COL15A1: variants seen among roughly 807,000 people sequenced by gnomAD.
The protein encoded by COL15A1 is collagen alpha-1(XV) chain.
In COL15A1, 111 loss-of-function variants were observed where a neutral mutation model predicts 165.9. That is an observed-to-expected ratio of 0.67 (90% CI 0.57 to 0.78). COL15A1 has a LOEUF of 0.78. COL15A1 is among the 30% of genes least tolerant of loss of function. The probability of loss-of-function intolerance (pLI) is 0.00; values close to 1 mark genes in which losing one functional copy is unlikely to be tolerated. For missense variants in COL15A1, 1,745 were observed against 1,789.7 expected, an observed-to-expected ratio of 0.98 and a Z score of 0.45; for synonymous variants, 659 against 674.8, an observed-to-expected ratio of 0.98 and a Z score of 0.36.
At chr9:98,947,780 C>T (rs920653282) in intron 2 of COL15A1, among the ~76,000 whole-genome samples, 2 of 152,160 alleles carry the variant, frequency 1.3e-5, no homozygotes, top group African/African-American at 4.8e-5. Context: ...GGACAGGGCT[C>T]CTCAGGTAGG....
chr9:98,964,749 T>C (rs1837927848), intron 2 of COL15A1, among the ~76,000 whole-genome samples: 1 of 152,148 alleles, frequency 6.6e-6, no homozygotes, highest in Non-Finnish European at 1.5e-5. Flanking sequence ...GAATACAACA[T>C]GCCAAAGCTG....
chr9:99,068,485 A>G, intron 40 of COL15A1, 70 bp from the exon 41 acceptor site: 2 of 644,372 alleles, frequency 3.1e-6, no homozygotes, highest in Non-Finnish European at 2.4e-6. Flanking sequence ...AAAAAAAAAA[A>G]AGAGTAAAAA....
In COL15A1 at chr9:99,020,372, A is replaced by G. The variant is rs763018822; in HGVS notation, c.1648-17A>G. 3 of 1,608,332 alleles carry G rather than the reference A, an allele frequency of 1.9e-6. No homozygotes were observed. The highest frequency in any genetic ancestry group is 2.6e-6 in the Non-Finnish European group (3 of 1,174,736). On this transcript the variant is annotated splice_polypyrimidine_tract_variant and intron_variant, in intron 11 of 41. Coordinates refer to ENST00000375001, the MANE Select transcript of COL15A1 (RefSeq NM_001855.5). ...AATATGTTGTGGCCACGTTTTAACC[A>G]AATCTTCTTCTTTTAGGCTCAAAGA...
Position 99,035,336 on chromosome 9 carries a change from T to C in COL15A1, c.2221-14T>C. ...GAACTGGATCTGAAATTCTCATTCTTGCTCCTTCCCCAGGATACCGAAGGC... is the reference window on the plus strand; with the variant it reads ...GAACTGGATCTGAAATTCTCATTCTCGCTCCTTCCCCAGGATACCGAAGGC... On this transcript the variant is annotated splice_polypyrimidine_tract_variant and intron_variant, in intron 18 of 41. Coordinates refer to ENST00000375001, the MANE Select transcript of COL15A1 (RefSeq NM_001855.5). The C allele has an allele frequency of 6.2e-7, 1 of 1,614,176 alleles. No individual in the cohort carries two copies. Among genetic ancestry groups the C allele is most frequent in the Non-Finnish European group, 8.5e-7 (1 of 1,180,014 alleles).
Position 99,054,641 on chromosome 9 carries a change from G to C in COL15A1, c.3016G>C (p.Ala1006Pro), listed in dbSNP as rs544588080. 6.2e-7 allele frequency: 1 copy of C among 1,612,622 alleles called. No homozygotes were observed. Among genetic ancestry groups the C allele is most frequent in the Non-Finnish European group, 8.5e-7 (1 of 1,179,554 alleles). ...GSKGEKGDQG[A>P]QGPPGPPLDL... Reference sequence around the variant, plus strand: ...AAAGGGAGAAAAAGGCGACCAGGGAGCCCAGGGACCACCAGGTATTCCAGC... The same window carrying C: ...AAAGGGAGAAAAAGGCGACCAGGGACCCCAGGGACCACCAGGTATTCCAGC... Residue 1006 changes from alanine to proline, a missense_variant, in exon 32 of 42, where the codon GCC (alanine) becomes CCC (proline). Transcript: ENST00000375001.
Position 99,036,371 on chromosome 9 carries a change from C to G in COL15A1, c.2384C>G (p.Pro795Arg), listed in dbSNP as rs752802763. Residue 795 changes from proline (P) to arginine (R), a missense_variant, in exon 21 of 42, where the codon CCT (proline) becomes CGT (arginine). Pro to Arg is a moderately radical substitution (Grantham distance 103, BLOSUM62 -2). Coordinates refer to ENST00000375001, the MANE Select transcript of COL15A1 (RefSeq NM_001855.5). Reference protein sequence around the residue: ...IVGPPGPRGPPGHIKVLSNSL... With the variant: ...IVGPPGPRGPRGHIKVLSNSL... ...GGACCCCCTGGGCCGAGAGGGCCACCTGGGCACATCAAGGTCTTGTCTAAT... is the reference window on the plus strand; with the variant it reads ...GGACCCCCTGGGCCGAGAGGGCCACGTGGGCACATCAAGGTCTTGTCTAAT... 6.2e-7 allele frequency: 1 copy of G among 1,614,070 alleles called. No homozygotes were observed.
At position 98,943,969 on chromosome 9, in the gene COL15A1, G is replaced by T; in HGVS notation, c.-93G>T. 6.4e-7 allele frequency: 1 copy of T among 1,550,654 alleles called. No homozygotes were observed. The highest frequency in any genetic ancestry group is 2.3e-5 in the East Asian group (1 of 43,526). Reference sequence around the variant, plus strand: ...GTTCCCTGCAGGAAGGGCGAGCGCGGCGGCCAGCGCTCAGCGACCCTTCGT... The same window carrying T: ...GTTCCCTGCAGGAAGGGCGAGCGCGTCGGCCAGCGCTCAGCGACCCTTCGT... On this transcript the variant is annotated 5_prime_UTR_variant, in exon 1 of 42. Transcript: ENST00000375001.
intron 6 of COL15A1, among the ~76,000 whole-genome samples, 196 bp from the exon 7 acceptor site, chr9:99,000,643 C>T (rs1838634419): frequency 6.6e-6 from 1 of 152,180 alleles, no homozygotes; most frequent in Non-Finnish European, 1.5e-5. Context: ...GACTTGCCTG[C>T]AGGTGGTGCC....
intron 16 of COL15A1, among the ~76,000 whole-genome samples, chr9:99,030,915 G>T (rs1367094797): frequency 1.3e-5 from 2 of 152,232 alleles, no homozygotes; most frequent in Non-Finnish European, 2.9e-5. Context: ...AGCAACTGTA[G>T]CCTCTGGGTT....
intron 2 of COL15A1, among the ~76,000 whole-genome samples, chr9:98,950,166 C>T (rs1342448581): frequency 1.3e-5 from 2 of 152,072 alleles, no homozygotes; most frequent in African/African-American, 2.4e-5. Context: ...TACAAGTATT[C>T]GGATGCTTGA....
Position 99,047,927 on chromosome 9 carries a change from G to A in COL15A1, c.2734-14G>A, listed in dbSNP as rs1310366442. On this transcript the variant is annotated splice_polypyrimidine_tract_variant and intron_variant, in intron 27 of 41. Coordinates refer to ENST00000375001, the MANE Select transcript of COL15A1 (RefSeq NM_001855.5). Reference sequence around the variant, plus strand: ...GGGCGGAGGGTTTACTGAGGTGTCTGCTGTGGGTTCCAGGGTCGCCCAGGA... The same window carrying A: ...GGGCGGAGGGTTTACTGAGGTGTCTACTGTGGGTTCCAGGGTCGCCCAGGA... The A allele has an allele frequency of 1.9e-6, 3 of 1,610,362 alleles. No individual in the cohort carries two copies. The highest frequency in any genetic ancestry group is 2.2e-5 in the East Asian group (1 of 44,850).
intron 36 of COL15A1, among the ~76,000 whole-genome samples, chr9:99,060,249 TATATATA>T (rs1825790588): frequency 1.6e-5 from 2 of 127,318 alleles, no homozygotes; most frequent in African/African-American, 7.3e-5. Flanking sequence ...TATATATATA[TATATATA>T]TTTTTTTTTT....
intron 9 of COL15A1, among the ~76,000 whole-genome samples, chr9:99,015,072 G>A (rs1353108163): frequency 6.6e-6 from 1 of 152,050 alleles, no homozygotes; most frequent in Non-Finnish European, 1.5e-5. Context: ...GGCTAGAATG[G>A]GAGACAGATT....
chr9:99,049,426 T>C (rs1839547743), intron 28 of COL15A1, among the ~76,000 whole-genome samples: 1 of 152,186 alleles, frequency 6.6e-6, no homozygotes, highest in South Asian at 2.1e-4. Context: ...CTTGAGCAGG[T>C]CACCTCCCCT....
chr9:99,050,773 T>C (rs1839574811), intron 30 of COL15A1, among the ~76,000 whole-genome samples: 1 of 152,232 alleles, frequency 6.6e-6, no homozygotes, highest in African/African-American at 2.4e-5. Flanking sequence ...TTTAGAAATA[T>C]TCTTTGAGGT....
In COL15A1 at chr9:99,054,610, T is replaced by A; in HGVS notation, c.2985T>A (p.Pro995=). 2 of 1,613,560 alleles carry A rather than the reference T, an allele frequency of 1.2e-6. No homozygotes were observed. The highest frequency in any genetic ancestry group is 1.7e-6 in the Non-Finnish European group (2 of 1,179,784). ...GAGAGAAAGGATCCTGGGGTCTTCCTGGCTCAAAGGGAGAAAAAGGCGACC... is the reference window on the plus strand; with the variant it reads ...GAGAGAAAGGATCCTGGGGTCTTCCAGGCTCAAAGGGAGAAAAAGGCGACC... ...VKGEKGSWGL[P]GSKGEKGDQG... Residue 995 remains proline (P), a synonymous_variant, in exon 32 of 42, where the codon CCT becomes CCA. Transcript: ENST00000375001.
chr9:99,070,258 T>G lies in COL15A1; in HGVS notation c.*372T>G. 1 of 224,942 alleles carries G rather than the reference T, an allele frequency of 4.4e-6. No homozygotes were observed. Among genetic ancestry groups the G allele is most frequent in the Non-Finnish European group, 8.9e-6 (1 of 111,868 alleles). 13.9% of individuals were successfully genotyped at this position (224,942 alleles called of 1,614,324 possible). The stretch of plus-strand genomic sequence containing the variant: ...GTTGAGTGTAAGATGTCCTTCATGT[T>G]TTCTTATAAAGTCAGTGTTTAGAAA... On this transcript the variant is annotated 3_prime_UTR_variant, in exon 42 of 42. Coordinates refer to ENST00000375001, the MANE Select transcript of COL15A1 (RefSeq NM_001855.5).
At chr9:99,036,281 A>AT (rs1160106595) in intron 20 of COL15A1, 32 bp from the exon 21 acceptor site, 8 of 1,613,836 alleles carry the variant, frequency 5.0e-6, no homozygotes, top group Non-Finnish European at 6.8e-6. Flanking sequence ...TGTACAGTGA[A>AT]TTTTTTTCTC....
At chr9:98,984,050 C>A (rs566698107) in intron 2 of COL15A1, among the ~76,000 whole-genome samples, 13 of 152,346 alleles carry the variant, frequency 8.5e-5, no homozygotes, top group Non-Finnish European at 1.3e-4. Flanking sequence ...TTGGCGATAG[C>A]CCAGACAGCC....
Sources: allele counts gnomAD v4.1 joint callset (sites outside exome capture counted in the v4.1 genomes callset), GRCh38; gene constraint gnomAD v4.1.1; transcripts MANE v1.5; gene names NCBI Gene and HGNC (gene_info 2026-07-23, HGNC 2026-07-21).